The following STPG2 variants were observed in gnomAD, a reference collection of about 807,000 sequenced individuals.
STPG2 encodes sperm-tail PG-rich repeat-containing protein 2.
Under a neutral mutation model 54.2 loss-of-function variants are expected in STPG2, and 56 were observed. The ratio of observed to expected loss-of-function variants is 1.03; its 90% CI spans 0.83 to 1.29. The LOEUF is 1.29. STPG2 is among the 50% of genes most tolerant of loss of function. STPG2 has a pLI of 0.00. For synonymous variants in STPG2, 200 were observed against 181.8 expected, an observed-to-expected ratio of 1.10 and a Z score of -0.81; for missense variants, 596 against 544.9, an observed-to-expected ratio of 1.09 and a Z score of -0.93.
At chr4:97,583,779 G>C (rs552935442) in intron 10 of STPG2, among the ~76,000 whole-genome samples, 11 of 151,946 alleles carry the variant, frequency 7.2e-5, no homozygotes, top group African/African-American at 2.4e-4. Context: ...AAAAGACACA[G>C]AGAAACATCA....
At chr4:97,771,248 A>G (rs165247) in intron 9 of STPG2, among the ~76,000 whole-genome samples, 88,478 of 151,876 alleles carry the variant, frequency 0.58, 26,329 homozygotes, top group East Asian at 0.74. Context: ...GCACACGGGG[A>G]TTTAAACAGA....
At chr4:97,686,271 T>TC (rs1723185856) in intron 10 of STPG2, among the ~76,000 whole-genome samples, 1 of 151,838 alleles carries the variant, frequency 6.6e-6, no homozygotes, top group Non-Finnish European at 1.5e-5. Flanking sequence ...TCTCTCTCTC[T>TC]GTCTTTCATA....
chr4:97,491,892 T>C (rs1446183240), intron 4 of STPG2, among the ~76,000 whole-genome samples: 1 of 151,392 alleles, frequency 6.6e-6, no homozygotes, highest in African/African-American at 2.4e-5. Flanking sequence ...ATGAACTCAA[T>C]GGGGCAATGA....
At chr4:97,977,540 A>G (rs1421651453) in intron 6 of STPG2, among the ~76,000 whole-genome samples, 2 of 152,176 alleles carry the variant, frequency 1.3e-5, no homozygotes, top group Admixed American at 6.5e-5. Context: ...CTAGCCTCAA[A>G]TGGCATTCTT....
chr4:97,634,490 G>C (rs966710305), intron 10 of STPG2, among the ~76,000 whole-genome samples: 9 of 152,316 alleles, frequency 5.9e-5, no homozygotes, highest in African/African-American at 2.2e-4. Flanking sequence ...GCTGGACAGA[G>C]AATGACTTTG....
intron 10 of STPG2, among the ~76,000 whole-genome samples, chr4:97,685,263 T>A (rs954915851): frequency 3.9e-5 from 6 of 152,074 alleles, no homozygotes; most frequent in African/African-American, 1.4e-4. Flanking sequence ...AACCTGCACA[T>A]GAATGTTTAT....
intron 4 of STPG2, among the ~76,000 whole-genome samples, chr4:97,513,189 G>A (rs111770987): frequency 3.3e-5 from 5 of 152,086 alleles, no homozygotes; most frequent in Non-Finnish European, 4.4e-5. Context: ...TAAATTGCCA[G>A]AGGGAAGAAC....
At chr4:97,639,551 A>G (rs1578446133) in intron 10 of STPG2, among the ~76,000 whole-genome samples, 1 of 152,108 alleles carries the variant, frequency 6.6e-6, no homozygotes, top group Non-Finnish European at 1.5e-5. Context: ...CAAAAGTCTT[A>G]AGACAAAATT....
chr4:97,903,842 G>T (rs981865072), intron 8 of STPG2, among the ~76,000 whole-genome samples: 5 of 152,194 alleles, frequency 3.3e-5, no homozygotes, highest in Non-Finnish European at 5.9e-5. Context: ...GGTGACAGAT[G>T]GCACCTGGAA....
At chr4:97,629,394 CAT>C (rs1223099206) in intron 10 of STPG2, among the ~76,000 whole-genome samples, 10 of 152,008 alleles carry the variant, frequency 6.6e-5, no homozygotes, top group African/African-American at 2.4e-4. Flanking sequence ...TAAACAGACA[CAT>C]ATGTGCGTGC....
chr4:97,946,386 C>G (rs756636942), intron 7 of STPG2, among the ~76,000 whole-genome samples: 1 of 152,096 alleles, frequency 6.6e-6, no homozygotes, highest in Non-Finnish European at 1.5e-5. Flanking sequence ...TATACAGAAG[C>G]TCTGTAGTTT....
At chr4:97,466,664 G>A (rs553075132) in intron 4 of STPG2, among the ~76,000 whole-genome samples, 46 of 151,784 alleles carry the variant, frequency 3.0e-4, no homozygotes, top group Non-Finnish European at 5.9e-4. Flanking sequence ...TTCTTCCATC[G>A]TTTATGGTTA....
chr4:97,454,324 T>G (rs966755766), intron 4 of STPG2, among the ~76,000 whole-genome samples: 8 of 150,620 alleles, frequency 5.3e-5, no homozygotes, highest in African/African-American at 1.9e-4. Flanking sequence ...CCATCCTGGC[T>G]AACAAGGTGA....
At chr4:97,929,419 A>ATTTCTGTT (rs1404865933) in intron 8 of STPG2, among the ~76,000 whole-genome samples, 3 of 151,960 alleles carry the variant, frequency 2.0e-5, no homozygotes, top group East Asian at 3.9e-4. Flanking sequence ...GTTGAATGGG[A>ATTTCTGTT]TTTCTGTTTT....
intron 8 of STPG2, among the ~76,000 whole-genome samples, chr4:97,907,070 T>A (rs1310584075): frequency 6.6e-6 from 1 of 151,830 alleles, no homozygotes; most frequent in East Asian, 2.0e-4. Flanking sequence ...AAAGAGGAAG[T>A]CAAATTGTCC....
intron 8 of STPG2, among the ~76,000 whole-genome samples, chr4:97,901,823 T>C (rs993273328): frequency 6.6e-6 from 1 of 151,912 alleles, no homozygotes; most frequent in African/African-American, 2.4e-5. Context: ...CTAAAATTCA[T>C]ATGGAGCCAC....
chr4:97,786,842 A>G (rs748469719), intron 9 of STPG2, among the ~76,000 whole-genome samples: 4 of 152,122 alleles, frequency 2.6e-5, no homozygotes, highest in Non-Finnish European at 5.9e-5. Context: ...CAAATTGACT[A>G]TGGCAGCATT....
At chr4:97,974,529 G>T (rs1421273835) in intron 6 of STPG2, among the ~76,000 whole-genome samples, 2 of 152,168 alleles carry the variant, frequency 1.3e-5, no homozygotes, top group Non-Finnish European at 2.9e-5. Context: ...TTGAACTGTA[G>T]CTCCCACAAT....
rs561166249 is a variant in STPG2 at position 97,959,899 on chromosome 4, G to T, written c.933+12381C>A. On this transcript the variant is annotated intron_variant, in intron 7 of 10. Transcript: ENST00000295268. ...ACATGGAAAGGACATAACAAAAAAA[G>T]AAAACTACAAATGGATATCCCTGAT... Among the ~76,000 whole-genome samples, 4 of 152,066 alleles carry T rather than the reference G, an allele frequency of 2.6e-5. No individual in the cohort carries two copies. In the South Asian group the frequency reaches 8.3e-4, roughly 32 times the overall value.
Sources: allele counts gnomAD v4.1 joint callset (sites outside exome capture counted in the v4.1 genomes callset), GRCh38; gene constraint gnomAD v4.1.1; transcripts MANE v1.5; gene names NCBI Gene and HGNC (gene_info 2026-07-23, HGNC 2026-07-21).